Variants in TNS1 observed in about 807,000 individuals in gnomAD.
TNS1 encodes tensin 1.
A neutral mutation model predicts 168.6 loss-of-function variants in TNS1; 62 were observed. That is an observed-to-expected ratio of 0.37 (90% CI 0.30 to 0.45). The LOEUF (loss-of-function observed/expected upper bound fraction) is 0.45, where lower values mean the gene tolerates loss of function less well. TNS1 is among the 20% of genes least tolerant of loss of function. TNS1 has a pLI of 1.00. For missense variants in TNS1, 2,240 were observed against 2,339.4 expected (o/e 0.96, Z 0.88); for synonymous variants, 934 against 933.2 (o/e 1.00, Z -0.02).
In TNS1 at chr2:217,893,448, T is replaced by C. The variant is rs1311599227; in HGVS notation, c.708A>G (p.Leu236=). 3 of 1,606,226 alleles carry C rather than the reference T, an allele frequency of 1.9e-6. No homozygotes were observed. The highest frequency in any genetic ancestry group is 2.7e-5 in the African/African-American group (2 of 74,620). ...CACACACAGCTCTGACCTTGTTGTG[T>C]AGAACAACGACATTGTGAGGGTCTG... ...LNADPHNVVV[L]HNKGNRGRIG... The change falls in exon 10 of 33, where the codon CTA becomes CTG. Residue 236 remains leucine, a synonymous_variant. Coordinates refer to ENST00000682258, the MANE Select transcript of TNS1 (RefSeq NM_001387777.1).
chr2:217,832,048 C>T (rs1944508005), intron 21 of TNS1, among the ~76,000 whole-genome samples: 1 of 152,120 alleles, frequency 6.6e-6, no homozygotes, highest in East Asian at 1.9e-4. Context: ...CTCAGGATGG[C>T]ACACCCTGCA....
chr2:217,851,183 C>G (rs1431748763), intron 18 of TNS1, among the ~76,000 whole-genome samples: 2 of 151,178 alleles, frequency 1.3e-5, no homozygotes, highest in Non-Finnish European at 2.9e-5. Flanking sequence ...AGGAATACCC[C>G]CAAATAAATA....
chr2:217,990,362 ACACACATCATC>A (rs916652184), intron 2 of TNS1, among the ~76,000 whole-genome samples: 1 of 142,238 alleles, frequency 7.0e-6, no homozygotes, highest in African/African-American at 2.6e-5. Flanking sequence ...CACACCCTCA[ACACACATCATC>A]CACACACCAT....
rs751700217 is a variant in TNS1, at chr2:217,814,944, T to A, written c.4697A>T (p.Tyr1566Phe). The change falls in exon 25 of 33, where the codon TAT (tyrosine) becomes TTT (phenylalanine). Residue 1566 changes from tyrosine to phenylalanine, a missense_variant. Tyr to Phe is a conservative substitution (Grantham distance 22). This residue lies in a region of TNS1 where 2,131 missense variants were observed against 2,171.2 expected (regional missense o/e 0.98). Transcript: ENST00000682258. ...CCTGGAGATCTCAGGCTTGTACCAATACTTAGAAGTGTCCTGGACAAACTT... is the reference window on the plus strand; with the variant it reads ...CCTGGAGATCTCAGGCTTGTACCAAAACTTAGAAGTGTCCTGGACAAACTT... ...KVKFVQDTSK[Y>F]WYKPEISREQ... 6.2e-7 allele frequency: 1 copy of A among 1,613,660 alleles called. No homozygotes were observed.
At chr2:217,818,994 G>T (rs987710355) in intron 23 of TNS1, among the ~76,000 whole-genome samples, 1 of 152,154 alleles carries the variant, frequency 6.6e-6, no homozygotes, top group Admixed American at 6.5e-5. Context: ...AAAGACCAGG[G>T]TTTCAACTTA....
chr2:217,951,721 C>T (rs1456349882), intron 3 of TNS1, among the ~76,000 whole-genome samples: 1 of 152,178 alleles, frequency 6.6e-6, no homozygotes, highest in Admixed American at 6.5e-5. Flanking sequence ...TCCTGGAACC[C>T]TTGGTTTTGC....
chr2:217,893,630 C>T, intron 9 of TNS1, 69 bp from the exon 10 acceptor site: 1 of 1,531,740 alleles, frequency 6.5e-7, no homozygotes, highest in Non-Finnish European at 8.8e-7. Context: ...GCGGGAGCCA[C>T]CTACGCCACG....
At position 217,848,797 on chromosome 2, in the gene TNS1, A is replaced by G; in HGVS notation, c.1720T>C (p.Leu574=). Residue 574 remains leucine (L), a synonymous_variant, in exon 19 of 33, where the codon TTA becomes CTA. Transcript: ENST00000682258. ...ATGGCGCCTTGCTTCTCTCGCTCTAAGCCAAAGCCACTCAGCAGGCGGTCC... is the reference window on the plus strand; with the variant it reads ...ATGGCGCCTTGCTTCTCTCGCTCTAGGCCAAAGCCACTCAGCAGGCGGTCC... ...ELDRLLSGFG[L]EREKQGAMYH... 6.2e-7 allele frequency: 1 copy of G among 1,614,008 alleles called. No homozygotes were observed. The highest frequency in any genetic ancestry group is 1.1e-5 in the South Asian group (1 of 91,078).
intron 12 of TNS1, among the ~76,000 whole-genome samples, chr2:217,889,305 GC>G (rs1187002644): frequency 6.6e-6 from 1 of 152,216 alleles, no homozygotes; most frequent in Non-Finnish European, 1.5e-5. Context: ...GGCGGGAATA[GC>G]CCCCAGCTGG....
chr2:217,990,288 ATAC>A (rs1958328847), intron 2 of TNS1, among the ~76,000 whole-genome samples: 1 of 147,662 alleles, frequency 6.8e-6, no homozygotes, highest in Non-Finnish European at 1.5e-5. Flanking sequence ...CACCAGCCAC[ATAC>A]CATCCACACA....
intron 1 of TNS1, among the ~76,000 whole-genome samples, chr2:217,996,218 T>C (rs990921567): frequency 1.3e-5 from 2 of 152,186 alleles, no homozygotes; most frequent in African/African-American, 4.8e-5. Flanking sequence ...CCCTGGATGA[T>C]GTGGGGAGAG....
intron 22 of TNS1, among the ~76,000 whole-genome samples, chr2:217,827,968 C>T (rs1441121256): frequency 6.6e-6 from 1 of 152,198 alleles, no homozygotes; most frequent in Non-Finnish European, 1.5e-5. Flanking sequence ...TTTGAGATAC[C>T]ACTGGTCTGT....
intron 24 of TNS1, among the ~76,000 whole-genome samples, chr2:217,817,063 A>AT (rs1160001141): frequency 6.6e-6 from 1 of 152,198 alleles, no homozygotes; most frequent in African/African-American, 2.4e-5. Flanking sequence ...ACGAGGAGTG[A>AT]TGTGGCACTG....
intron 4 of TNS1, among the ~76,000 whole-genome samples, chr2:217,914,101 CCA>C (rs1245471221): frequency 2.0e-5 from 3 of 152,166 alleles, no homozygotes; most frequent in Admixed American, 6.5e-5. Flanking sequence ...TCTATTTGTT[CCA>C]GACTTAAACT....
chr2:217,913,522 C>A, intron 4 of TNS1, among the ~76,000 whole-genome samples: 1 of 151,974 alleles, frequency 6.6e-6, no homozygotes, highest in Admixed American at 6.5e-5. Context: ...CTCCAGCCAC[C>A]CTTGCCTGCA....
intron 3 of TNS1, among the ~76,000 whole-genome samples, chr2:217,920,438 C>T (rs564053684): frequency 9.3e-4 from 141 of 152,116 alleles, no homozygotes; most frequent in African/African-American, 3.3e-3. Context: ...GAGCGGGGGC[C>T]GCAGAAGGCA....
Position 217,948,621 on chromosome 2 carries a change from C to T in TNS1, c.187-28385G>A, listed in dbSNP as rs927644482. Reference sequence around the variant, plus strand: ...ATCTCAGGATCACCCCCTAGTGGGGCCTCCTCACTAGGGCTCACTCCAGAG... The same window carrying T: ...ATCTCAGGATCACCCCCTAGTGGGGTCTCCTCACTAGGGCTCACTCCAGAG... On this transcript the variant is annotated intron_variant, in intron 3 of 32. Coordinates refer to ENST00000682258, the MANE Select transcript of TNS1 (RefSeq NM_001387777.1). This position sits in a 1 kb window ranked among gnomAD's most constrained non-coding sequence, Gnocchi z 4.1. Among the ~76,000 whole-genome samples the T allele has an allele frequency of 6.6e-6, 1 of 152,162 alleles. No individual in the cohort carries two copies. The highest frequency in any genetic ancestry group is 2.4e-5 in the African/African-American group (1 of 41,440).
chr2:217,890,797 C>A, intron 12 of TNS1, 165 bp downstream of exon 12: 1 of 685,494 alleles, frequency 1.5e-6, no homozygotes, highest in South Asian at 1.8e-5. Context: ...CCGGGCTCTC[C>A]TGTGTGCCTG....
intron 1 of TNS1, among the ~76,000 whole-genome samples, chr2:218,023,951 A>C (rs1187770724): frequency 6.6e-6 from 1 of 152,204 alleles, no homozygotes; most frequent in Non-Finnish European, 1.5e-5. Context: ...GTGACAAAAG[A>C]GGGCAAGGAG....
Sources: gnomAD v4.1 joint callset for allele counts (sites outside exome capture counted in the v4.1 genomes callset) on GRCh38, gnomAD v4.1.1 for gene constraint, gnomAD v4.1.1 regional missense constraint, Gnocchi (gnomAD v3.1) non-coding constraint, MANE v1.5 for transcripts, NCBI Gene and HGNC (gene_info 2026-07-23, HGNC 2026-07-21) for gene names.